Variants in TNFRSF19 observed in about 807,000 individuals in gnomAD.
TNFRSF19 encodes the protein TNF receptor superfamily member 19.
Under a neutral mutation model 46.4 loss-of-function variants are expected in TNFRSF19, and 27 were observed. The ratio of observed to expected loss-of-function variants is 0.58; its 90% confidence interval spans 0.43 to 0.80. The LOEUF is 0.80. TNFRSF19 is among the 30% of genes least tolerant of loss of function. TNFRSF19 has a pLI of 0.00. For synonymous variants in TNFRSF19, 204 were observed against 205.0 expected, an observed-to-expected ratio of 1.00 and a Z score of 0.04; for missense variants, 511 against 530.8, an observed-to-expected ratio of 0.96 and a Z score of 0.37.
Position 23,673,541 on chromosome 13 carries a change from TG to T in TNFRSF19, c.*162del. Reference sequence around the variant, plus strand: ...TTGAAGCCTTTCAGCCAGTTGCTTCTGAGCCAGACCAGCTGTAAGCTGAAAC... The same window carrying T: ...TTGAAGCCTTTCAGCCAGTTGCTTCTAGCCAGACCAGCTGTAAGCTGAAAC... On this transcript the variant is annotated 3_prime_UTR_variant, in exon 10 of 10. Transcript: ENST00000248484. 1 of 1,300,866 alleles carries T rather than the reference TG, an allele frequency of 7.7e-7. No homozygotes were observed. Among genetic ancestry groups the T allele is most frequent in the Non-Finnish European group, 9.8e-7 (1 of 1,015,588 alleles). The allele number at this position is 1,300,866 out of a possible 1,614,324, so 80.6% of individuals were successfully genotyped here.
At chr13:23,609,880 A>T (rs1228439645) in intron 3 of TNFRSF19, among the ~76,000 whole-genome samples, 1 of 152,182 alleles carries the variant, frequency 6.6e-6, no homozygotes, top group Non-Finnish European at 1.5e-5. Context: ...TAGCCTAGGG[A>T]TGGTTGTAAG....
chr13:23,590,021 T>C, intron 1 of TNFRSF19, 129 bp from the exon 2 acceptor site: 2 of 417,784 alleles, frequency 4.8e-6, no homozygotes, highest in Non-Finnish European at 8.7e-6. Context: ...TTTTTAAAGG[T>C]GGTTTCTTTT....
Position 23,599,033 on chromosome 13 carries a change from G to A in TNFRSF19, c.180+5578G>A, listed in dbSNP as rs114436914. ...CTGCAAGTGGCTTCTGATAGATAGC[G>A]TTTCTCTCTGGCTTTTGTGTTAAAT... On this transcript the variant is annotated intron_variant, in intron 3 of 9. Transcript: ENST00000248484. Among the ~76,000 whole-genome samples the A allele has an allele frequency of 6.3e-3, 961 of 152,290 alleles. 9 individuals are homozygous for A. The highest frequency in any genetic ancestry group is 0.022 in the African/African-American group (919 of 41,554).
At position 23,594,244 on chromosome 13, in the gene TNFRSF19, G is replaced by A. The variant is rs1387400910; in HGVS notation, c.180+789G>A. On this transcript the variant is annotated intron_variant, in intron 3 of 9. Transcript: ENST00000248484. ...TACCCTAGTGGCATCTGGAACACCA[G>A]CGAGACAGAACCATTCACTCCCCTG... The A allele has an allele frequency of 3.3e-5, 15 of 452,542 alleles. No homozygotes were observed. The East Asian group carries it at 9.1e-4, about 28-fold the overall frequency. The allele number at this position is 452,542 out of a possible 1,614,324, so 28.0% of individuals were successfully genotyped here.
chr13:23,584,614 G>A (rs949496770), intron 1 of TNFRSF19, among the ~76,000 whole-genome samples: 2 of 139,466 alleles, frequency 1.4e-5, no homozygotes, highest in African/African-American at 2.8e-5. Flanking sequence ...CTGGATCTAG[G>A]TTAAGTTTTA....
intron 1 of TNFRSF19, among the ~76,000 whole-genome samples, chr13:23,576,201 T>C (rs911502001): frequency 3.3e-5 from 5 of 151,952 alleles, no homozygotes; most frequent in Non-Finnish European, 7.4e-5. Flanking sequence ...TGGCGTGATT[T>C]TGGCTCACTG....
intron 5 of TNFRSF19, among the ~76,000 whole-genome samples, chr13:23,646,915 A>G (rs1883364015): frequency 6.6e-6 from 1 of 152,184 alleles, no homozygotes; most frequent in South Asian, 2.1e-4. Context: ...ACATTCACAC[A>G]GGTCCCAATT....
At chr13:23,638,660 T>G (rs1882847032) in intron 5 of TNFRSF19, among the ~76,000 whole-genome samples, 1 of 152,222 alleles carries the variant, frequency 6.6e-6, no homozygotes, top group Admixed American at 6.5e-5. Context: ...CGTCAGCCCC[T>G]GTAGCAGCTT....
chr13:23,668,632 C>A, intron 8 of TNFRSF19, 60 bp from the exon 9 acceptor site: 1 of 1,533,068 alleles, frequency 6.5e-7, no homozygotes, highest in Non-Finnish European at 8.7e-7. Flanking sequence ...TGACATGCTT[C>A]TTTGTAGTAG....
In TNFRSF19 at chr13:23,659,699, G is replaced by T. The variant is rs1884225625; in HGVS notation, c.610+485G>T. On this transcript the variant is annotated intron_variant, in intron 6 of 9. Coordinates refer to ENST00000248484, the MANE Select transcript of TNFRSF19 (RefSeq NM_148957.4). The surrounding 1 kb of genome is among the most constrained non-coding windows in gnomAD (Gnocchi z 4.9). ...TTTTTGTATTTTTAGTAGAAACGGG[G>T]TTTCACCATGTTGGCCAGGCTGGTC... Among the ~76,000 whole-genome samples the T allele has an allele frequency of 6.6e-6, 1 of 151,970 alleles. No homozygotes were observed. The highest frequency in any genetic ancestry group is 6.6e-5 in the Admixed American group (1 of 15,256).
At chr13:23,654,833 G>A (rs1244888720) in intron 5 of TNFRSF19, among the ~76,000 whole-genome samples, 5 of 152,124 alleles carry the variant, frequency 3.3e-5, no homozygotes, top group Admixed American at 6.5e-5. Flanking sequence ...ATCAATGAAC[G>A]CTCACCACTT....
At position 23,645,495 on chromosome 13, in the gene TNFRSF19, C is replaced by G. The variant is rs1208244144; in HGVS notation, c.446-13555C>G. 2.0e-5 allele frequency among the ~76,000 whole-genome samples: 3 copies of G among 152,212 alleles called. No individual in the cohort carries two copies. In the East Asian group the frequency reaches 5.8e-4, roughly 29 times the overall value. On this transcript the variant is annotated intron_variant, in intron 5 of 9. Coordinates refer to ENST00000248484, the MANE Select transcript of TNFRSF19 (RefSeq NM_148957.4). ...GGGATTACAGGTGTGAGCCACTGTG[C>G]CTGGCCTGTTGTAGCCTACTTATTT...
chr13:23,639,696 G>A lies in TNFRSF19; in HGVS notation c.445+12904G>A, dbSNP rs142992499. 3.3e-5 allele frequency among the ~76,000 whole-genome samples: 5 copies of A among 152,308 alleles called. No individual in the cohort carries two copies. In the East Asian group the frequency reaches 9.7e-4, roughly 29 times the overall value. ...GGCCCCCTGGAAGATTTGGCCAGCA[G>A]GGCAGTGGTCTGCGTGCCCTGACCC... On this transcript the variant is annotated intron_variant, in intron 5 of 9. Transcript: ENST00000248484.
At chr13:23,621,434 A>C (rs1292956126) in intron 4 of TNFRSF19, among the ~76,000 whole-genome samples, 1 of 152,190 alleles carries the variant, frequency 6.6e-6, no homozygotes, top group Non-Finnish European at 1.5e-5. Flanking sequence ...GCTGTCATCC[A>C]GTGTCTCACA....
chr13:23,638,934 T>C (rs1040126415), intron 5 of TNFRSF19, among the ~76,000 whole-genome samples: 6 of 152,228 alleles, frequency 3.9e-5, no homozygotes, highest in African/African-American at 1.4e-4. Context: ...ATGCACATCA[T>C]AGAGTGGAAA....
intron 5 of TNFRSF19, among the ~76,000 whole-genome samples, chr13:23,628,332 T>C (rs192698146): frequency 7.2e-4 from 110 of 152,326 alleles, no homozygotes; most frequent in African/African-American, 2.5e-3. Flanking sequence ...AAATCTAACA[T>C]GTCAGGGACA....
chr13:23,617,060 CA>C (rs1377173444), intron 4 of TNFRSF19, among the ~76,000 whole-genome samples: 6 of 152,068 alleles, frequency 3.9e-5, no homozygotes, highest in Admixed American at 1.3e-4. Context: ...GGCTTTATTG[CA>C]AAGGTGAGAT....
chr13:23,659,232 T>C lies in TNFRSF19; in HGVS notation c.610+18T>C. 6.3e-7 allele frequency: 1 copy of C among 1,594,432 alleles called. No individual in the cohort carries two copies. The highest frequency in any genetic ancestry group is 1.1e-5 in the South Asian group (1 of 89,474). On this transcript the variant is annotated intron_variant, in intron 6 of 9. Transcript: ENST00000248484. The surrounding 1 kb of genome is among the most constrained non-coding windows in gnomAD (Gnocchi z 4.9). ...ACCCAGCTGTAAGTTTTGAGCTCAT[T>C]ACATTTCTTAGCATTTAGGGGAAGG...
At chr13:23,614,463 C>T (rs1248292585) in intron 3 of TNFRSF19, among the ~76,000 whole-genome samples, 4 of 151,996 alleles carry the variant, frequency 2.6e-5, no homozygotes, top group African/African-American at 9.7e-5. Context: ...GTAAATTTTA[C>T]AGAAAAAATG....
Sources: gnomAD v4.1 joint callset for allele counts (sites outside exome capture counted in the v4.1 genomes callset) on GRCh38, gnomAD v4.1.1 for gene constraint, Gnocchi (gnomAD v3.1) non-coding constraint, MANE v1.5 for transcripts, NCBI Gene and HGNC (gene_info 2026-07-23, HGNC 2026-07-21) for gene names.